KCND2: variants seen among roughly 807,000 people sequenced by gnomAD.
KCND2 encodes the protein A-type voltage-gated potassium channel KCND2.
In KCND2, 16 loss-of-function variants were observed where a neutral mutation model predicts 54.4. The observed-to-expected ratio is 0.29, with a 90% CI of 0.20 to 0.45. KCND2 has a LOEUF of 0.45. KCND2 is among the 20% of genes least tolerant of loss of function. KCND2 has a pLI of 1.00. For synonymous variants in KCND2, 317 were observed against 310.7 expected, an observed-to-expected ratio of 1.02 and a Z score of -0.21; for missense variants, 486 against 824.2, an observed-to-expected ratio of 0.59 and a Z score of 5.02.
At chr7:120,311,569 C>T (rs1799737015) in intron 1 of KCND2, among the ~76,000 whole-genome samples, 1 of 152,108 alleles carries the variant, frequency 6.6e-6, no homozygotes, top group Admixed American at 6.6e-5. Context: ...TGGATTTTCT[C>T]CTTTTTTAAC....
chr7:120,534,830 C>A (rs1179893678), intron 1 of KCND2, among the ~76,000 whole-genome samples: 1 of 151,988 alleles, frequency 6.6e-6, no homozygotes, highest in Non-Finnish European at 1.5e-5. Context: ...TTATAAAATA[C>A]TGTTCAATGT....
At chr7:120,662,214 C>T (rs1308476564) in intron 1 of KCND2, among the ~76,000 whole-genome samples, 1 of 152,130 alleles carries the variant, frequency 6.6e-6, no homozygotes, top group Admixed American at 6.6e-5. Context: ...TAGTTTTTAT[C>T]CTTGTCTACA....
chr7:120,501,437 T>C lies in KCND2; in HGVS notation c.1115+225690T>C, dbSNP rs527338993. Among the ~76,000 whole-genome samples, 6 of 152,266 alleles carry C rather than the reference T, an allele frequency of 3.9e-5. No individual in the cohort carries two copies. In the South Asian group the frequency reaches 8.3e-4, roughly 21 times the overall value. ...GGTTCCTGAGCAATGCAATTTATTA[T>C]CATATTTCTTCCATGCCCAGTCTAA... On this transcript the variant is annotated intron_variant, in intron 1 of 5. Coordinates refer to ENST00000331113, the MANE Select transcript of KCND2 (RefSeq NM_012281.3).
intron 1 of KCND2, among the ~76,000 whole-genome samples, chr7:120,523,787 G>A (rs1352412724): frequency 6.7e-6 from 1 of 148,160 alleles, no homozygotes; most frequent in African/African-American, 2.5e-5. Flanking sequence ...TGTTATATAT[G>A]TGTGTATATG....
chr7:120,619,901 G>A (rs1315586829), intron 1 of KCND2, among the ~76,000 whole-genome samples: 1 of 152,050 alleles, frequency 6.6e-6, no homozygotes, highest in Non-Finnish European at 1.5e-5. Context: ...AAATACAAAA[G>A]CAAGATTTGT....
At chr7:120,319,292 T>C (rs1163668921) in intron 1 of KCND2, among the ~76,000 whole-genome samples, 1 of 152,080 alleles carries the variant, frequency 6.6e-6, no homozygotes, top group Non-Finnish European at 1.5e-5. Flanking sequence ...AGGGCATAGC[T>C]ATGGAGGTAC....
intron 1 of KCND2, among the ~76,000 whole-genome samples, chr7:120,706,254 C>T (rs1792467245): frequency 6.6e-6 from 1 of 151,998 alleles, no homozygotes; most frequent in Non-Finnish European, 1.5e-5. Flanking sequence ...TTTTAAGAAC[C>T]CTCTTTTAGA....
intron 1 of KCND2, among the ~76,000 whole-genome samples, chr7:120,382,231 G>A (rs1257061073): frequency 2.0e-5 from 3 of 151,692 alleles, no homozygotes; most frequent in Admixed American, 6.6e-5. Context: ...TCTTCTCATT[G>A]TCTAAAGTTT....
At chr7:120,709,241 TAAGTA>T (rs1481925430) in intron 1 of KCND2, among the ~76,000 whole-genome samples, 3 of 152,184 alleles carry the variant, frequency 2.0e-5, no homozygotes, top group Non-Finnish European at 2.9e-5. Context: ...ACTGTGGTTC[TAAGTA>T]AAGAAAACAA....
At chr7:120,331,725 G>A (rs990559662) in intron 1 of KCND2, among the ~76,000 whole-genome samples, 1 of 151,944 alleles carries the variant, frequency 6.6e-6, no homozygotes, top group Non-Finnish European at 1.5e-5. Flanking sequence ...TATATGAAAA[G>A]TTGTCATATT....
At chr7:120,412,521 A>AGTAT (rs57968725) in intron 1 of KCND2, among the ~76,000 whole-genome samples, 48,735 of 151,536 alleles carry the variant, frequency 0.32, 10,795 homozygotes, top group African/African-American at 0.61. Context: ...AATTACATAT[A>AGTAT]TTGTATTACA....
chr7:120,682,343 T>C (rs1299129041), intron 1 of KCND2, among the ~76,000 whole-genome samples: 1 of 152,072 alleles, frequency 6.6e-6, no homozygotes, highest in African/African-American at 2.4e-5. Flanking sequence ...TAAAAATAAG[T>C]AGTCTTTCAG....
At chr7:120,353,258 T>G (rs1800443927) in intron 1 of KCND2, among the ~76,000 whole-genome samples, 1 of 151,008 alleles carries the variant, frequency 6.6e-6, no homozygotes, top group Non-Finnish European at 1.5e-5. Flanking sequence ...AAACAGAGCC[T>G]TCGTCTCTGA....
At chr7:120,549,522 A>G (rs376613300) in intron 1 of KCND2, among the ~76,000 whole-genome samples, 4 of 152,180 alleles carry the variant, frequency 2.6e-5, no homozygotes, top group African/African-American at 4.8e-5. Context: ...TTCATCTGTT[A>G]TTACTTAACT....
chr7:120,677,558 T>TAG (rs144998625), intron 1 of KCND2, among the ~76,000 whole-genome samples: 4,266 of 143,854 alleles, frequency 0.03, 131 homozygotes, highest in African/African-American at 0.077. Flanking sequence ...GATATATAGA[T>TAG]ATATAGATAT....
intron 1 of KCND2, among the ~76,000 whole-genome samples, chr7:120,669,950 T>C (rs1364603746): frequency 6.6e-6 from 1 of 152,072 alleles, no homozygotes; most frequent in Non-Finnish European, 1.5e-5. Flanking sequence ...CCTATAAAGA[T>C]AAAGATAAAG....
At chr7:120,485,908 A>G (rs548189705) in intron 1 of KCND2, among the ~76,000 whole-genome samples, 1 of 152,348 alleles carries the variant, frequency 6.6e-6, no homozygotes, top group Admixed American at 6.5e-5. Flanking sequence ...AGTGTTTGAT[A>G]AATATTTTAA....
intron 1 of KCND2, among the ~76,000 whole-genome samples, chr7:120,639,460 G>A (rs925809187): frequency 6.6e-6 from 1 of 152,098 alleles, no homozygotes; most frequent in Admixed American, 6.6e-5. Context: ...TTTAAAATAT[G>A]GTACTCCCAG....
At chr7:120,694,484 A>G (rs1562911788) in intron 1 of KCND2, among the ~76,000 whole-genome samples, 1 of 152,186 alleles carries the variant, frequency 6.6e-6, no homozygotes, top group Admixed American at 6.5e-5. Flanking sequence ...GAGGACCGGC[A>G]TCTCTTCCTA....
Sources: allele counts gnomAD v4.1 joint callset (sites outside exome capture counted in the v4.1 genomes callset), GRCh38; gene constraint gnomAD v4.1.1; transcripts MANE v1.5; gene names NCBI Gene and HGNC (gene_info 2026-07-23, HGNC 2026-07-21).